Variants in KIAA1328 observed in about 807,000 individuals in gnomAD.
The protein encoded by KIAA1328 is KIAA1328.
KIAA1328 carries 52 observed loss-of-function variants against 68.1 expected under a neutral mutation model. The ratio of observed to expected loss-of-function variants is 0.76; its 90% CI spans 0.61 to 0.96. KIAA1328 has a LOEUF of 0.96. Among genes scored for constraint, KIAA1328 ranks in the 40% least tolerant of loss-of-function variants. KIAA1328 has a pLI of 0.00. For synonymous variants in KIAA1328, 232 were observed against 239.4 expected, an observed-to-expected ratio of 0.97 and a Z score of 0.28; for missense variants, 641 against 677.6, an observed-to-expected ratio of 0.95 and a Z score of 0.60.
chr18:37,034,031 T>A (rs536402551), intron 6 of KIAA1328, among the ~76,000 whole-genome samples: 8 of 152,312 alleles, frequency 5.3e-5, no homozygotes, highest in African/African-American at 1.9e-4. Flanking sequence ...GGTAGATAAG[T>A]GTGTTCCTTG....
intron 7 of KIAA1328, among the ~76,000 whole-genome samples, chr18:37,103,709 A>G (rs2057690595): frequency 6.6e-6 from 1 of 152,166 alleles, no homozygotes; most frequent in East Asian, 1.9e-4. Context: ...AACAGAATGA[A>G]AAGAAACCCT....
At chr18:37,099,802 T>G (rs373295788) in intron 7 of KIAA1328, among the ~76,000 whole-genome samples, 61 of 152,352 alleles carry the variant, frequency 4.0e-4, no homozygotes, top group Middle Eastern at 3.4e-3. Flanking sequence ...GCTCTTCTTG[T>G]TGAATTGATC....
chr18:36,929,084 A>G (rs1275747405), intron 5 of KIAA1328, among the ~76,000 whole-genome samples: 2 of 152,172 alleles, frequency 1.3e-5, no homozygotes, highest in African/African-American at 2.4e-5. Context: ...GAAATTCCCC[A>G]TCTGTTCATG....
intron 6 of KIAA1328, among the ~76,000 whole-genome samples, chr18:37,043,588 A>C (rs2055346444): frequency 6.6e-6 from 1 of 152,166 alleles, no homozygotes; most frequent in East Asian, 1.9e-4. Flanking sequence ...ATTGTTAATA[A>C]ATTTTGCTCT....
intron 6 of KIAA1328, among the ~76,000 whole-genome samples, chr18:36,987,664 A>G (rs568314730): frequency 1.9e-4 from 29 of 152,122 alleles, no homozygotes; most frequent in Non-Finnish European, 3.5e-4. Flanking sequence ...TGGGTGGAAG[A>G]GATTACAGGG....
intron 8 of KIAA1328, among the ~76,000 whole-genome samples, chr18:37,168,203 TG>T (rs1314276488): frequency 6.6e-6 from 1 of 152,246 alleles, no homozygotes; most frequent in Non-Finnish European, 1.5e-5. Context: ...AATTGTTTGT[TG>T]ACTCTGCCAT....
rs2060237154 is a variant in KIAA1328, at chr18:37,207,473, C to G, written c.1524-14544C>G. Among the ~76,000 whole-genome samples the G allele has an allele frequency of 2.0e-5, 3 of 152,094 alleles. No homozygotes were observed. In the South Asian group the frequency reaches 6.2e-4, roughly 32 times the overall value. ...AATTTAGGAACTTTTCAAAAGTGAC[C>G]AAGGTCATGTATATGTTTTAGGTCA... On this transcript the variant is annotated intron_variant, in intron 9 of 9. Transcript: ENST00000280020.
At chr18:36,829,367 T>C in intron 1 of KIAA1328, 171 bp downstream of exon 1, 1 of 1,377,350 alleles carries the variant, frequency 7.3e-7, no homozygotes, top group Non-Finnish European at 9.3e-7. Flanking sequence ...GCTTGGGTGT[T>C]AGGTGGCCGA....
chr18:37,119,486 G>A (rs958589270), intron 7 of KIAA1328, among the ~76,000 whole-genome samples: 2 of 152,132 alleles, frequency 1.3e-5, no homozygotes, highest in Non-Finnish European at 1.5e-5. Context: ...TCTCTTCCTG[G>A]CTTGTAGATG....
rs1470396513 is a variant in KIAA1328, at chr18:37,135,135, T to A, written c.1233-25065T>A. Among the ~76,000 whole-genome samples, 3 of 152,220 alleles carry A rather than the reference T, an allele frequency of 2.0e-5. No individual in the cohort carries two copies. The East Asian group carries it at 5.8e-4, about 29-fold the overall frequency. On this transcript the variant is annotated intron_variant, in intron 7 of 9. Coordinates refer to ENST00000280020, the MANE Select transcript of KIAA1328 (RefSeq NM_020776.3). The stretch of plus-strand genomic sequence containing the variant: ...ACCTAGGTCGATTCCATGCCTTCGC[T>A]ATTGTGAATAGTGTTGCAGTGAGCC...
At chr18:36,840,683 C>T (rs1703663099) in intron 3 of KIAA1328, among the ~76,000 whole-genome samples, 1 of 152,046 alleles carries the variant, frequency 6.6e-6, no homozygotes, top group African/African-American at 2.4e-5. Context: ...GAACTCCTGA[C>T]CTCGTGATCC....
chr18:37,102,052 A>T (rs2057634489), intron 7 of KIAA1328, among the ~76,000 whole-genome samples: 1 of 152,232 alleles, frequency 6.6e-6, no homozygotes, highest in African/African-American at 2.4e-5. Context: ...GCTACAACAG[A>T]AAAAGAAAAT....
At chr18:37,022,713 C>T (rs1235543429) in intron 6 of KIAA1328, among the ~76,000 whole-genome samples, 1 of 152,148 alleles carries the variant, frequency 6.6e-6, no homozygotes, top group Non-Finnish European at 1.5e-5. Context: ...AATTTACTCC[C>T]ATAGCTTCTG....
chr18:37,104,582 G>T (rs990235157), intron 7 of KIAA1328, among the ~76,000 whole-genome samples: 2 of 152,082 alleles, frequency 1.3e-5, no homozygotes, highest in Non-Finnish European at 2.9e-5. Flanking sequence ...TCTAGCATTC[G>T]ATAGCACAGG....
intron 6 of KIAA1328, among the ~76,000 whole-genome samples, chr18:36,965,557 G>A (rs944705824): frequency 2.8e-5 from 4 of 145,206 alleles, no homozygotes; most frequent in Non-Finnish European, 4.5e-5. Flanking sequence ...TTTTAGTAGA[G>A]ACGGGGTTTC....
intron 6 of KIAA1328, among the ~76,000 whole-genome samples, chr18:36,999,959 A>C (rs922016248): frequency 1.2e-4 from 19 of 152,158 alleles, no homozygotes; most frequent in African/African-American, 4.3e-4. Context: ...AAGAATATAT[A>C]AGACAATCAG....
intron 7 of KIAA1328, among the ~76,000 whole-genome samples, chr18:37,122,734 TG>T (rs926003111): frequency 1.1e-4 from 17 of 152,128 alleles, no homozygotes; most frequent in Admixed American, 9.8e-4. Flanking sequence ...GGAGGTGAGA[TG>T]GTCTGCTTAC....
Position 36,903,094 on chromosome 18 carries a change from A to G in KIAA1328, c.448+17422A>G, listed in dbSNP as rs183778198. Among the ~76,000 whole-genome samples, 390 of 152,198 alleles carry G rather than the reference A, an allele frequency of 2.6e-3. 3 individuals carry two copies. The highest frequency in any genetic ancestry group is 9.0e-3 in the African/African-American group (372 of 41,556). On this transcript the variant is annotated intron_variant, in intron 5 of 9. Transcript: ENST00000280020. The stretch of plus-strand genomic sequence containing the variant: ...ACCTGTGTTTTCCTGACTTTAAAAA[A>G]ATACATGTTTATCATGGAATATTTT...
chr18:37,140,983 T>C (rs960793313), intron 7 of KIAA1328, among the ~76,000 whole-genome samples: 1 of 152,170 alleles, frequency 6.6e-6, no homozygotes, highest in African/African-American at 2.4e-5. Context: ...CTGGGTGCTT[T>C]TAGTTTAGGA....
Sources: gnomAD v4.1 joint callset for allele counts (sites outside exome capture counted in the v4.1 genomes callset) on GRCh38, gnomAD v4.1.1 for gene constraint, MANE v1.5 for transcripts, NCBI Gene and HGNC (gene_info 2026-07-23, HGNC 2026-07-21) for gene names.